CMSS1: variants seen among roughly 807,000 people sequenced by gnomAD.
CMSS1 encodes the protein protein CMSS1.
Under a neutral mutation model 43.5 loss-of-function variants are expected in CMSS1, and 33 were observed. The ratio of observed to expected loss-of-function variants is 0.76; its 90% CI spans 0.57 to 1.01. The LOEUF (loss-of-function observed/expected upper bound fraction) is 1.01, where lower values mean the gene tolerates loss of function less well. Ranked by LOEUF, CMSS1 falls within the 50% of genes least tolerant of loss-of-function variation. The probability of loss-of-function intolerance (pLI) is 0.00; values close to 1 mark genes in which losing one functional copy is unlikely to be tolerated. For missense variants in CMSS1, 313 were observed against 326.4 expected, an observed-to-expected ratio of 0.96 and a Z score of 0.32; for synonymous variants, 115 against 117.2, an observed-to-expected ratio of 0.98 and a Z score of 0.12.
intron 1 of CMSS1, among the ~76,000 whole-genome samples, chr3:100,068,350 C>CTGTGTGTGTGTGTG (rs62958661): frequency 2.0e-5 from 3 of 149,406 alleles, no homozygotes; most frequent in African/African-American, 7.4e-5. Flanking sequence ...GAAAGAGCCT[C>CTGTGTGTGTGTGTG]TGTGTGTGTG....
intron 1 of CMSS1, among the ~76,000 whole-genome samples, chr3:100,133,668 C>T (rs1402476177): frequency 6.6e-6 from 1 of 152,156 alleles, no homozygotes; most frequent in African/African-American, 2.4e-5. Context: ...ACCCCCATCA[C>T]GTAAGACTTT....
intron 1 of CMSS1, among the ~76,000 whole-genome samples, chr3:100,069,534 G>A (rs754324576): frequency 3.2e-4 from 48 of 151,832 alleles, no homozygotes; most frequent in Non-Finnish European, 4.7e-4. Context: ...TTTCTGATAC[G>A]GCAGCCAATG....
At chr3:99,824,865 T>C (rs1480038432) in intron 1 of CMSS1, among the ~76,000 whole-genome samples, 2 of 152,244 alleles carry the variant, frequency 1.3e-5, no homozygotes, top group African/African-American at 4.8e-5. Context: ...TTATTCTTTT[T>C]GAGATTGCTG....
chr3:100,062,193 GC>G (rs2107347685), intron 1 of CMSS1, among the ~76,000 whole-genome samples: 1 of 134,160 alleles, frequency 7.5e-6, no homozygotes, highest in Admixed American at 8.5e-5. Context: ...CTCACTGCAA[GC>G]TCCGCCTCCC....
chr3:100,119,855 A>G (rs1445076714), intron 1 of CMSS1, among the ~76,000 whole-genome samples: 1 of 152,208 alleles, frequency 6.6e-6, no homozygotes, highest in Non-Finnish European at 1.5e-5. Context: ...TAAGAGTGGG[A>G]TTATTTATAT....
intron 1 of CMSS1, among the ~76,000 whole-genome samples, chr3:99,838,647 G>A (rs1576498310): frequency 6.6e-6 from 1 of 152,162 alleles, no homozygotes; most frequent in Non-Finnish European, 1.5e-5. Context: ...GCAACTCAGT[G>A]TGTTGCCACG....
chr3:99,915,263 C>T (rs1359576042), intron 1 of CMSS1, among the ~76,000 whole-genome samples: 2 of 152,102 alleles, frequency 1.3e-5, no homozygotes, highest in Admixed American at 1.3e-4. Context: ...TAAAATGTAG[C>T]CAACTTTTCC....
intron 1 of CMSS1, among the ~76,000 whole-genome samples, chr3:99,986,543 G>A (rs1004727114): frequency 6.6e-6 from 1 of 152,084 alleles, no homozygotes; most frequent in Non-Finnish European, 1.5e-5. Flanking sequence ...GAGGTTGGTA[G>A]GTATATTTTT....
intron 1 of CMSS1, among the ~76,000 whole-genome samples, chr3:100,065,518 CTAT>C (rs1384907171): frequency 6.6e-6 from 1 of 152,198 alleles, no homozygotes; most frequent in Non-Finnish European, 1.5e-5. Flanking sequence ...ATCCTAGAAA[CTAT>C]TGTCAACCAC....
At chr3:99,992,074 G>A (rs764098406) in intron 1 of CMSS1, among the ~76,000 whole-genome samples, 11 of 150,616 alleles carry the variant, frequency 7.3e-5, no homozygotes, top group Non-Finnish European at 1.3e-4. Context: ...CTCCATTAAT[G>A]GACACTTAGG....
chr3:100,144,329 T>C (rs1021808651), intron 1 of CMSS1, among the ~76,000 whole-genome samples: 1 of 152,212 alleles, frequency 6.6e-6, no homozygotes, highest in African/African-American at 2.4e-5. Flanking sequence ...GTCATAACTG[T>C]CCACTAGGCT....
At chr3:100,069,333 A>G (rs1416179037) in intron 1 of CMSS1, among the ~76,000 whole-genome samples, 1 of 151,874 alleles carries the variant, frequency 6.6e-6, no homozygotes, top group Admixed American at 6.6e-5. Flanking sequence ...AAGATCTATT[A>G]ATTTCTTGAA....
intron 1 of CMSS1, among the ~76,000 whole-genome samples, chr3:99,872,593 A>G (rs1944856447): frequency 6.6e-6 from 1 of 151,890 alleles, no homozygotes; most frequent in Admixed American, 6.6e-5. Flanking sequence ...CAAACACATC[A>G]TTCCCCAAGC....
chr3:99,997,942 A>G (rs1464531842), intron 1 of CMSS1, among the ~76,000 whole-genome samples: 2 of 152,264 alleles, frequency 1.3e-5, no homozygotes, highest in East Asian at 3.8e-4. Context: ...TTCTACATCA[A>G]GAATCAAGAT....
At chr3:99,962,121 G>T (rs903319339) in intron 1 of CMSS1, among the ~76,000 whole-genome samples, 3 of 152,180 alleles carry the variant, frequency 2.0e-5, no homozygotes, top group African/African-American at 7.2e-5. Flanking sequence ...GGAGAGGAAG[G>T]TATTCCAGGA....
intron 1 of CMSS1, among the ~76,000 whole-genome samples, chr3:100,079,568 T>A (rs1448218348): frequency 6.6e-6 from 1 of 152,226 alleles, no homozygotes; most frequent in African/African-American, 2.4e-5. Context: ...TTTGAATAGA[T>A]ACAGTCAGTG....
In CMSS1 at chr3:100,167,854, C is replaced by G; in HGVS notation, c.518+14C>G. ...GGAGCTCATTAGGTTGGAAGGTTCA[C>G]CTATTCCATATCATAAATGTTTTCT... is the stretch of plus-strand genomic sequence containing the variant. On this transcript the variant is annotated intron_variant, in intron 6 of 9. Transcript: ENST00000421999. 6.5e-7 allele frequency: 1 copy of G among 1,546,126 alleles called. No individual in the cohort carries two copies. Among genetic ancestry groups the G allele is most frequent in the Non-Finnish European group, 8.9e-7 (1 of 1,124,016 alleles).
chr3:99,886,480 A>G (rs1194860645), intron 1 of CMSS1, among the ~76,000 whole-genome samples: 1 of 152,180 alleles, frequency 6.6e-6, no homozygotes, highest in African/African-American at 2.4e-5. Flanking sequence ...GTTGGGCTAC[A>G]TTCAAAGCTG....
intron 2 of CMSS1, among the ~76,000 whole-genome samples, chr3:100,148,917 G>A (rs1189865059): frequency 6.6e-6 from 1 of 151,782 alleles, no homozygotes; most frequent in African/African-American, 2.4e-5. Flanking sequence ...CATTCTTCTG[G>A]AAACCTACAG....
Sources: allele counts gnomAD v4.1 joint callset (sites outside exome capture counted in the v4.1 genomes callset), GRCh38; gene constraint gnomAD v4.1.1; transcripts MANE v1.5; gene names NCBI Gene and HGNC (gene_info 2026-07-23, HGNC 2026-07-21).